Variants in TTBK2 observed in about 807,000 individuals in gnomAD.
The protein encoded by TTBK2 is tau tubulin kinase 2, also known as tau-tubulin kinase 2.
Under a neutral mutation model 110.8 loss-of-function variants are expected in TTBK2, and 28 were observed. The observed-to-expected ratio is 0.25, with a 90% CI of 0.19 to 0.35. The LOEUF is 0.35. TTBK2 is among the 10% of genes least tolerant of loss of function. The probability of loss-of-function intolerance (pLI) is 1.00; values close to 1 mark genes in which losing one functional copy is unlikely to be tolerated. For missense variants in TTBK2, 1,369 were observed against 1,500.3 expected (o/e 0.91, Z 1.45); for synonymous variants, 532 against 527.3 (o/e 1.01, Z -0.12).
chr15:42,798,744 T>G (rs548789360), intron 9 of TTBK2, among the ~76,000 whole-genome samples: 3 of 152,220 alleles, frequency 2.0e-5, no homozygotes, highest in Non-Finnish European at 4.4e-5. Flanking sequence ...GCCAGAGGAG[T>G]AACTGGTGAA....
At chr15:42,907,714 G>A (rs1596047572) in intron 1 of TTBK2, among the ~76,000 whole-genome samples, 1 of 152,166 alleles carries the variant, frequency 6.6e-6, no homozygotes, top group South Asian at 2.1e-4. Flanking sequence ...TGTATTTATT[G>A]TTACTAAACT....
chr15:42,850,574 C>T (rs1025005124), intron 3 of TTBK2, among the ~76,000 whole-genome samples: 4 of 152,188 alleles, frequency 2.6e-5, no homozygotes, highest in Admixed American at 6.5e-5. Flanking sequence ...ACCTGGACTA[C>T]TGTTTTTCTT....
At chr15:42,874,901 G>A (rs763469164) in intron 2 of TTBK2, among the ~76,000 whole-genome samples, 3 of 150,622 alleles carry the variant, frequency 2.0e-5, no homozygotes, top group Admixed American at 6.6e-5. Flanking sequence ...CAGGAGAATC[G>A]CTTGAACCTG....
intron 10 of TTBK2, among the ~76,000 whole-genome samples, chr15:42,792,468 T>G (rs937414866): frequency 6.6e-6 from 1 of 152,186 alleles, no homozygotes; most frequent in Non-Finnish European, 1.5e-5. Flanking sequence ...TTCTTTTGAA[T>G]TATGCATATT....
intron 13 of TTBK2, among the ~76,000 whole-genome samples, chr15:42,774,115 A>G (rs371665802): frequency 3.9e-5 from 6 of 152,340 alleles, no homozygotes; most frequent in African/African-American, 1.4e-4. Flanking sequence ...AGAACTGTAC[A>G]CAAAATGTAT....
At chr15:42,909,793 A>G (rs1034463207) in intron 1 of TTBK2, among the ~76,000 whole-genome samples, 4 of 152,244 alleles carry the variant, frequency 2.6e-5, no homozygotes, top group Admixed American at 2.6e-4. Flanking sequence ...AGATGCAAAC[A>G]TAGATAGTAA....
chr15:42,773,314 G>A (rs1889758710), intron 13 of TTBK2, among the ~76,000 whole-genome samples: 1 of 152,124 alleles, frequency 6.6e-6, no homozygotes, highest in Admixed American at 6.5e-5. Flanking sequence ...GTGGGCACCT[G>A]TAATTCCAGC....
At position 42,810,731 on chromosome 15, in the gene TTBK2, T is replaced by G. The variant is rs1310604005; in HGVS notation, c.705A>C (p.Val235=). 2.5e-6 allele frequency: 4 copies of G among 1,613,672 alleles called. No individual in the cohort carries two copies. Among genetic ancestry groups the G allele is most frequent in the Non-Finnish European group, 2.5e-6 (3 of 1,179,888 alleles). Reference sequence around the variant, plus strand: ...GGTCATATCTCTCCTTAATAGAGCCTACTTGCTCCTGGGAAGTAAAGAGAA... The same window carrying G: ...GGTCATATCTCTCCTTAATAGAGCCGACTTGCTCCTGGGAAGTAAAGAGAA... The part of the protein sequence containing the change: ...PWRKIKDKEQ[V]GSIKERYDHR... Residue 235 remains valine, a synonymous_variant, in exon 9 of 15, where the codon GTA becomes GTC. Transcript: ENST00000267890.
intron 3 of TTBK2, among the ~76,000 whole-genome samples, chr15:42,844,838 G>A (rs1352797965): frequency 6.6e-6 from 1 of 152,070 alleles, no homozygotes; most frequent in Non-Finnish European, 1.5e-5. Context: ...TTGTCTATAA[G>A]TATTAAAACT....
chr15:42,919,636 G>A (rs59276064), intron 1 of TTBK2: 6,089 of 200,744 alleles, frequency 0.03, 380 homozygotes, highest in African/African-American at 0.13. Flanking sequence ...TAATAAAACT[G>A]TCCTCTTTAA....
intron 5 of TTBK2, among the ~76,000 whole-genome samples, chr15:42,828,551 T>TG (rs1892622801): frequency 7.1e-6 from 1 of 141,068 alleles, no homozygotes; most frequent in South Asian, 2.3e-4. Context: ...CCGTTTCTAC[T>TG]AAAAAAAAAA....
chr15:42,900,689 C>T (rs1384327553), intron 1 of TTBK2, among the ~76,000 whole-genome samples: 1 of 152,002 alleles, frequency 6.6e-6, no homozygotes, highest in Non-Finnish European at 1.5e-5. Context: ...CGTGGCACAG[C>T]ACTCCATGGG....
chr15:42,802,551 T>G (rs1052445494), intron 9 of TTBK2: 14 of 429,888 alleles, frequency 3.3e-5, no homozygotes, highest in African/African-American at 2.8e-4. Context: ...GCACCCATCC[T>G]CTAACAAACT....
At chr15:42,791,055 G>A (rs948959976) in intron 10 of TTBK2, among the ~76,000 whole-genome samples, 2 of 151,962 alleles carry the variant, frequency 1.3e-5, no homozygotes, top group Non-Finnish European at 2.9e-5. Flanking sequence ...GGCTAATTTT[G>A]TTTTTGTATT....
chr15:42,825,573 G>A (rs543071362), intron 6 of TTBK2, among the ~76,000 whole-genome samples: 2 of 152,202 alleles, frequency 1.3e-5, no homozygotes, highest in South Asian at 4.2e-4. Context: ...AAATTAGCTG[G>A]GTGTGGTGGC....
chr15:42,800,724 CT>C (rs199708459), intron 9 of TTBK2, among the ~76,000 whole-genome samples: 8 of 146,634 alleles, frequency 5.5e-5, no homozygotes, highest in African/African-American at 1.5e-4. Flanking sequence ...TGCATACAGT[CT>C]TTTTTTTTGG....
Position 42,752,311 on chromosome 15 carries a change from C to A in TTBK2, c.2935G>T (p.Val979Phe). ...TGTCTTTTTTCCACCAGAAGCTTGA[C>A]TAGGTCTGGCTGATAGGCTTTCTTT... ...LQKKAYQPDL[V>F]KLLVEKRQFK... Residue 979 changes from valine (V) to phenylalanine (F), a missense_variant, in exon 14 of 15, where the codon GTC becomes TTC. Transcript: ENST00000267890. The A allele has an allele frequency of 6.2e-7, 1 of 1,614,200 alleles. No homozygotes were observed. Among genetic ancestry groups the A allele is most frequent in the Non-Finnish European group, 8.5e-7 (1 of 1,180,038 alleles).
chr15:42,767,134 G>C (rs1889418262), intron 13 of TTBK2, among the ~76,000 whole-genome samples: 1 of 152,192 alleles, frequency 6.6e-6, no homozygotes, highest in African/African-American at 2.4e-5. Flanking sequence ...ATTTAAAGCA[G>C]TGTGTAGAGG....
chr15:42,871,054 C>T (rs1287108596), intron 3 of TTBK2, among the ~76,000 whole-genome samples: 4 of 151,988 alleles, frequency 2.6e-5, no homozygotes, highest in Non-Finnish European at 5.9e-5. Context: ...GTTATCAGAA[C>T]GGTCCAGATT....
Sources: gnomAD v4.1 joint callset for allele counts (sites outside exome capture counted in the v4.1 genomes callset) on GRCh38, gnomAD v4.1.1 for gene constraint, MANE v1.5 for transcripts, NCBI Gene and HGNC (gene_info 2026-07-23, HGNC 2026-07-21) for gene names.